Variants in PDE4D observed in about 807,000 individuals in gnomAD.
The protein encoded by PDE4D is 3',5'-cyclic-AMP phosphodiesterase 4D.
Under a neutral mutation model 87.4 loss-of-function variants are expected in PDE4D, and 24 were observed. The observed-to-expected ratio is 0.27, with a 90% CI of 0.20 to 0.39. The LOEUF (loss-of-function observed/expected upper bound fraction) is 0.39, where lower values mean the gene tolerates loss of function less well. PDE4D is among the 10% of genes least tolerant of loss of function. The probability of loss-of-function intolerance (pLI) is 1.00; values close to 1 mark genes in which losing one functional copy is unlikely to be tolerated. For synonymous variants in PDE4D, 384 were observed against 383.2 expected (o/e 1.00, Z -0.02); for missense variants, 714 against 1,041.0 (o/e 0.69, Z 4.32).
At chr5:60,466,029 A>G (rs966684986) in intron 1 of PDE4D, among the ~76,000 whole-genome samples, 1 of 152,210 alleles carries the variant, frequency 6.6e-6, no homozygotes, top group African/African-American at 2.4e-5. Flanking sequence ...AAGTCGAACC[A>G]TCATGAGTTG....
At chr5:59,276,086 G>A (rs1329188004) in intron 1 of PDE4D, 1 of 815,436 alleles carries the variant, frequency 1.2e-6, no homozygotes, top group African/African-American at 2.1e-5. Flanking sequence ...ACGTCTGTAA[G>A]AAGGCAGTTC....
intron 1 of PDE4D, among the ~76,000 whole-genome samples, chr5:59,423,082 C>T (rs1794709982): frequency 6.6e-6 from 1 of 152,134 alleles, no homozygotes; most frequent in Non-Finnish European, 1.5e-5. Context: ...AAACAGTAGT[C>T]TCCCCTACTC....
intron 5 of PDE4D, among the ~76,000 whole-genome samples, chr5:59,082,731 G>C (rs987636032): frequency 6.6e-6 from 1 of 150,992 alleles, no homozygotes; most frequent in Non-Finnish European, 1.5e-5. Context: ...ATATTATAAA[G>C]ATATCAAGTC....
chr5:60,439,433 C>T (rs1184059978), intron 1 of PDE4D, among the ~76,000 whole-genome samples: 2 of 152,056 alleles, frequency 1.3e-5, no homozygotes, highest in Admixed American at 1.3e-4. Context: ...GACAAGCACC[C>T]ACAATGACTC....
At chr5:59,309,510 C>G (rs990875341) in intron 1 of PDE4D, among the ~76,000 whole-genome samples, 3 of 152,184 alleles carry the variant, frequency 2.0e-5, no homozygotes, top group Non-Finnish European at 4.4e-5. Context: ...AGAAACTTCT[C>G]TTGCAAACAG....
At chr5:60,277,241 C>T (rs1751466893) in intron 1 of PDE4D, among the ~76,000 whole-genome samples, 1 of 152,048 alleles carries the variant, frequency 6.6e-6, no homozygotes, top group African/African-American at 2.4e-5. Flanking sequence ...CTCGCCACTT[C>T]TAGTCAACAT....
At chr5:59,155,944 G>C (rs1033871783) in intron 5 of PDE4D, among the ~76,000 whole-genome samples, 21 of 152,136 alleles carry the variant, frequency 1.4e-4, no homozygotes, top group African/African-American at 5.1e-4. Flanking sequence ...TTGCTGAAAG[G>C]AGATGAAGAG....
intron 5 of PDE4D, among the ~76,000 whole-genome samples, chr5:59,046,005 G>A (rs1463339277): frequency 6.6e-6 from 1 of 152,184 alleles, no homozygotes; most frequent in African/African-American, 2.4e-5. Flanking sequence ...TGCCCAATGT[G>A]ACTTGAAAGG....
intron 1 of PDE4D, among the ~76,000 whole-genome samples, chr5:60,500,248 G>T (rs763256799): frequency 2.4e-4 from 37 of 152,188 alleles, no homozygotes; most frequent in Admixed American, 3.9e-4. Context: ...AGGCTGCAGT[G>T]AGCCATCCAT....
rs139186639 is a variant in PDE4D at position 59,415,587 on chromosome 5, G to C, written c.456-199619C>G. 7.9e-5 allele frequency among the ~76,000 whole-genome samples: 12 copies of C among 152,222 alleles called. No individual in the cohort carries two copies. The East Asian group carries it at 2.1e-3, about 27-fold the overall frequency. ...TACTATATTTGGAACAACTTGGGAA[G>C]TGAATCTATATTTCTAATTGTAAAT... On this transcript the variant is annotated intron_variant, in intron 1 of 14. Coordinates refer to ENST00000340635, the MANE Select transcript of PDE4D (RefSeq NM_001104631.2).
intron 2 of PDE4D, among the ~76,000 whole-genome samples, chr5:60,091,606 C>T (rs1389333588): frequency 6.6e-6 from 1 of 152,136 alleles, no homozygotes; most frequent in African/African-American, 2.4e-5. Flanking sequence ...AATAGATCTA[C>T]AGATGACCCA....
intron 1 of PDE4D, among the ~76,000 whole-genome samples, chr5:59,306,014 GCTGT>G (rs1312207957): frequency 6.6e-6 from 1 of 152,056 alleles, no homozygotes; most frequent in Non-Finnish European, 1.5e-5. Flanking sequence ...TTGTTGTGTT[GCTGT>G]CTATCTCATT....
chr5:59,649,647 T>C (rs1306859994), intron 1 of PDE4D, among the ~76,000 whole-genome samples: 9 of 151,190 alleles, frequency 6.0e-5, no homozygotes, highest in Non-Finnish European at 1.5e-5. Context: ...GAAACAGGAA[T>C]AGTACCTTCA....
At chr5:60,449,327 G>A (rs982519184) in intron 1 of PDE4D, among the ~76,000 whole-genome samples, 1 of 151,876 alleles carries the variant, frequency 6.6e-6, no homozygotes. Context: ...ATTGAAAAGT[G>A]AGAAACCATT....
chr5:60,091,692 T>C (rs2149310774), intron 2 of PDE4D, among the ~76,000 whole-genome samples: 1 of 152,320 alleles, frequency 6.6e-6, no homozygotes, highest in South Asian at 2.1e-4. Flanking sequence ...CCCATGTTTA[T>C]TACAGCACTA....
intron 5 of PDE4D, among the ~76,000 whole-genome samples, chr5:59,085,798 C>T (rs565277062): frequency 2.0e-5 from 3 of 152,230 alleles, no homozygotes; most frequent in South Asian, 4.1e-4. Flanking sequence ...ACTTGACAAA[C>T]ATTAGATGTT....
chr5:59,834,910 C>G (rs1741777557), intron 1 of PDE4D, among the ~76,000 whole-genome samples: 1 of 152,030 alleles, frequency 6.6e-6, no homozygotes, highest in Non-Finnish European at 1.5e-5. Context: ...GCACATTTTA[C>G]CATCTACCAT....
At chr5:59,174,781 C>T (rs963708375) in intron 5 of PDE4D, among the ~76,000 whole-genome samples, 22 of 152,112 alleles carry the variant, frequency 1.4e-4, no homozygotes, top group Admixed American at 3.3e-4. Flanking sequence ...GTAAGAAGGA[C>T]CATGGACTCG....
At chr5:59,998,956 G>A (rs887879409) in intron 2 of PDE4D, among the ~76,000 whole-genome samples, 1 of 152,130 alleles carries the variant, frequency 6.6e-6, no homozygotes, top group Non-Finnish European at 1.5e-5. Context: ...ATTAAATACT[G>A]TAAAAGTATT....
Sources: gnomAD v4.1 joint callset for allele counts (sites outside exome capture counted in the v4.1 genomes callset) on GRCh38, gnomAD v4.1.1 for gene constraint, MANE v1.5 for transcripts, NCBI Gene and HGNC (gene_info 2026-07-23, HGNC 2026-07-21) for gene names.